Variants in SETD3 observed in about 807,000 individuals in gnomAD.
The protein encoded by SETD3 is actin-histidine N-methyltransferase.
SETD3 carries 19 observed loss-of-function variants against 63.0 expected under a neutral mutation model. The observed-to-expected ratio is 0.30, with a 90% CI of 0.21 to 0.44. SETD3 has a LOEUF of 0.44. SETD3 is among the 20% of genes least tolerant of loss of function. The pLI is 1.00. For synonymous variants in SETD3, 286 were observed against 264.1 expected, an observed-to-expected ratio of 1.08 and a Z score of -0.80; for missense variants, 587 against 728.5, an observed-to-expected ratio of 0.81 and a Z score of 2.24.
intron 11 of SETD3, among the ~76,000 whole-genome samples, chr14:99,402,575 T>C (rs1891444012): frequency 1.3e-5 from 2 of 151,984 alleles, no homozygotes; most frequent in African/African-American, 4.8e-5. Context: ...AGCCACAGCA[T>C]CCAGCCAACT....
At chr14:99,481,527 C>T (rs2139840070), upstream of SETD3, 1 of 398,646 alleles carries the variant, frequency 2.5e-6, no homozygotes, top group Non-Finnish European at 4.4e-6. Flanking sequence ...TCCCGCGTAT[C>T]TGGAGGTCGG....
At chr14:99,410,058 C>G (rs1891895711) in intron 8 of SETD3, 1 of 661,614 alleles carries the variant, frequency 1.5e-6, no homozygotes, top group Admixed American at 2.6e-5. Context: ...TGTAACAGGA[C>G]AGGGCAGGAG....
chr14:99,428,810 G>A (rs1204631958), intron 6 of SETD3, among the ~76,000 whole-genome samples: 1 of 152,078 alleles, frequency 6.6e-6, no homozygotes, highest in African/African-American at 2.4e-5. Context: ...CTGATGAACT[G>A]AAGCCTGCTG....
chr14:99,426,058 C>T (rs921617240), intron 6 of SETD3, among the ~76,000 whole-genome samples: 2 of 152,122 alleles, frequency 1.3e-5, no homozygotes, highest in African/African-American at 4.8e-5. Flanking sequence ...CCTCCTCCCC[C>T]AAACATACAC....
At chr14:99,424,925 C>G (rs2139674367) in intron 6 of SETD3, among the ~76,000 whole-genome samples, 1 of 152,134 alleles carries the variant, frequency 6.6e-6, no homozygotes, top group African/African-American at 2.4e-5. Context: ...TCACCTTGCA[C>G]TAACTGTTAT....
intron 6 of SETD3, among the ~76,000 whole-genome samples, chr14:99,454,247 T>C (rs1381011714): frequency 6.6e-6 from 1 of 152,076 alleles, no homozygotes; most frequent in Non-Finnish European, 1.5e-5. Context: ...TGGAATGCAG[T>C]GGTGTGACCA....
Position 99,430,911 on chromosome 14 carries a change from T to A in SETD3, c.676-16977A>T, listed in dbSNP as rs150416869. On this transcript the variant is annotated intron_variant, in intron 6 of 12. Coordinates refer to ENST00000331768, the MANE Select transcript of SETD3 (RefSeq NM_032233.3). Reference sequence around the variant, plus strand: ...AGGTCCTAAATTTCACTCACTCAAATCAGCTCTAATCTAACAGTAACAATA... The same window carrying A: ...AGGTCCTAAATTTCACTCACTCAAAACAGCTCTAATCTAACAGTAACAATA... 5.8e-3 allele frequency among the ~76,000 whole-genome samples: 882 copies of A among 152,302 alleles called. 9 individuals are homozygous for A. Among genetic ancestry groups the A allele is most frequent in the African/African-American group, 0.02 (846 of 41,560 alleles).
chr14:99,423,237 A>C (rs768794380), intron 6 of SETD3, among the ~76,000 whole-genome samples: 3 of 152,164 alleles, frequency 2.0e-5, no homozygotes, highest in Non-Finnish European at 4.4e-5. Context: ...AAATCTAAGT[A>C]ACCCTTTTTT....
intron 1 of SETD3, among the ~76,000 whole-genome samples, chr14:99,475,644 G>A (rs1009152972): frequency 8.5e-5 from 13 of 152,192 alleles, no homozygotes; most frequent in African/African-American, 3.1e-4. Context: ...AACCACTTAA[G>A]CATATTATAC....
chr14:99,404,142 C>CT (rs1891550361), intron 11 of SETD3, 83 bp downstream of exon 11: 2 of 1,109,382 alleles, frequency 1.8e-6, no homozygotes, highest in Non-Finnish European at 1.3e-6. Flanking sequence ...TCCACTTTAC[C>CT]TTTAATCTGA....
At chr14:99,469,226 G>A (rs957039904) in intron 1 of SETD3, among the ~76,000 whole-genome samples, 3 of 152,198 alleles carry the variant, frequency 2.0e-5, no homozygotes, top group African/African-American at 7.2e-5. Flanking sequence ...CAGCAGAGGT[G>A]TAACTTCAAA....
chr14:99,442,753 T>A (rs1893899310), intron 6 of SETD3, among the ~76,000 whole-genome samples: 1 of 152,234 alleles, frequency 6.6e-6, no homozygotes, highest in Admixed American at 6.5e-5. Flanking sequence ...AGGCCTCTGG[T>A]CAACAGTAGT....
intron 6 of SETD3, among the ~76,000 whole-genome samples, chr14:99,447,270 G>C (rs1555361068): frequency 6.6e-6 from 1 of 152,192 alleles, no homozygotes; most frequent in Non-Finnish European, 1.5e-5. Context: ...ACTGTGCCCA[G>C]CCCATTTCAT....
At chr14:99,443,070 A>G (rs1893923368) in intron 6 of SETD3, among the ~76,000 whole-genome samples, 1 of 152,282 alleles carries the variant, frequency 6.6e-6, no homozygotes, top group Admixed American at 6.5e-5. Flanking sequence ...ACATACCTGT[A>G]TTACAAGGTT....
At chr14:99,402,822 A>C (rs1279078318) in intron 11 of SETD3, among the ~76,000 whole-genome samples, 1 of 152,248 alleles carries the variant, frequency 6.6e-6, no homozygotes, top group East Asian at 1.9e-4. Flanking sequence ...ATTAAAACTG[A>C]GCATGTACCA....
chr14:99,399,207 G>C, intron 12 of SETD3, 82 bp from the exon 13 acceptor site: 1 of 1,242,048 alleles, frequency 8.1e-7, no homozygotes, highest in South Asian at 1.4e-5. Flanking sequence ...GCTGGGGATG[G>C]GGACATGAGG....
chr14:99,468,756 ATCTTC>A (rs1180009846), intron 1 of SETD3, among the ~76,000 whole-genome samples: 16 of 152,118 alleles, frequency 1.1e-4, no homozygotes, highest in African/African-American at 3.6e-4. Context: ...CCTAGTCACA[ATCTTC>A]TCTTCTCTGC....
intron 2 of SETD3, among the ~76,000 whole-genome samples, chr14:99,464,195 C>T (rs764123027): frequency 6.6e-6 from 1 of 152,158 alleles, no homozygotes; most frequent in Non-Finnish European, 1.5e-5. Context: ...ACCAAAAGAC[C>T]AACACCCGAG....
chr14:99,413,772 T>C, intron 7 of SETD3, 104 bp downstream of exon 7: 1 of 1,039,998 alleles, frequency 9.6e-7, no homozygotes. Context: ...GCTTTAACGG[T>C]CACAGCAGGT....
Sources: gnomAD v4.1 joint callset for allele counts (sites outside exome capture counted in the v4.1 genomes callset) on GRCh38, gnomAD v4.1.1 for gene constraint, MANE v1.5 for transcripts, NCBI Gene and HGNC (gene_info 2026-07-23, HGNC 2026-07-21) for gene names.